The following CEP41 variants were observed in gnomAD, a reference collection of about 807,000 sequenced individuals.
CEP41 encodes the protein centrosomal protein 41, also known as centrosomal protein of 41 kDa.
A neutral mutation model predicts 44.3 loss-of-function variants in CEP41; 32 were observed. The ratio of observed to expected loss-of-function variants is 0.72; its 90% CI spans 0.54 to 0.97. The LOEUF is 0.97. CEP41 is among the 50% of genes least tolerant of loss of function. The pLI is 0.00. For missense variants in CEP41, 432 were observed against 455.2 expected (o/e 0.95, Z 0.46); for synonymous variants, 151 against 168.5 (o/e 0.90, Z 0.80).
At chr7:130,421,300 C>T (rs1797500971) in intron 2 of CEP41, 1 of 985,434 alleles carries the variant, frequency 1.0e-6, no homozygotes, top group Non-Finnish European at 1.2e-6. Flanking sequence ...AAGGCACGAA[C>T]TCAGTTGCTA....
chr7:130,398,836 C>T lies in CEP41; in HGVS notation c.*55G>A, dbSNP rs782471506. ...TGGAAATGACCCAACTTGGGAAATG[C>T]TCAGGGGTTCTGAAAAGAGGAAGAA... On this transcript the variant is annotated 3_prime_UTR_variant, in exon 11 of 11. Transcript: ENST00000223208. The T allele has an allele frequency of 1.9e-5, 30 of 1,603,346 alleles. No homozygotes were observed. The highest frequency in any genetic ancestry group is 2.6e-5 in the Non-Finnish European group (30 of 1,170,672).
intron 3 of CEP41, among the ~76,000 whole-genome samples, chr7:130,412,563 C>T (rs11973495): frequency 0.19 from 29,402 of 152,112 alleles, 2,849 homozygotes; most frequent in African/African-American, 0.21. Context: ...TTGTACTCCA[C>T]GCATTTTTGT....
chr7:130,430,962 A>T (rs1554424950), intron 1 of CEP41, among the ~76,000 whole-genome samples: 2 of 152,176 alleles, frequency 1.3e-5, no homozygotes, highest in African/African-American at 4.8e-5. Flanking sequence ...GAGGGGAGAG[A>T]GTGTGGACAG....
chr7:130,421,991 A>G lies in CEP41; in HGVS notation c.98-5025T>C, dbSNP rs80349158. On this transcript the variant is annotated intron_variant, in intron 2 of 10. Transcript: ENST00000223208. ...AGTCTGGCAGTGCTGGGGAGCTGGT[A>G]AGATACACACAGGCACCTATGGAAC... 205 of 1,536,072 alleles carry G rather than the reference A, an allele frequency of 1.3e-4. No individual in the cohort carries two copies. The African/African-American group carries it at 2.5e-3, about 19-fold the overall frequency.
chr7:130,440,836 C>T (rs1798132375), intron 1 of CEP41, 98 bp downstream of exon 1: 1 of 1,106,642 alleles, frequency 9.0e-7, no homozygotes. Context: ...TTCCCGCCTT[C>T]CGGGCGGCGG....
At chr7:130,402,343 C>CAAAAAAAAAAAAAA (rs150874127) in intron 7 of CEP41, among the ~76,000 whole-genome samples, 1 of 76,670 alleles carries the variant, frequency 1.3e-5, no homozygotes, top group Non-Finnish European at 2.5e-5. Flanking sequence ...AAGGTATTAA[C>CAAAAAAAAAAAAAA]AAAAAAAAAA....
intron 5 of CEP41, 104 bp downstream of exon 5, chr7:130,411,018 A>G: frequency 1.0e-6 from 1 of 961,740 alleles, no homozygotes; most frequent in South Asian, 1.3e-5. Context: ...AAATAGATAC[A>G]TCAAAGTCCC....
intron 5 of CEP41, among the ~76,000 whole-genome samples, chr7:130,410,029 C>CTTTTTTTTTTTTTT (rs782636525): frequency 7.1e-6 from 1 of 139,888 alleles, no homozygotes; most frequent in South Asian, 2.3e-4. Context: ...CCTCGGTCTT[C>CTTTTTTTTTTTTTT]TTTTTTTTTT....
intron 2 of CEP41, chr7:130,420,729 G>A (rs1381891148): frequency 2.0e-5 from 5 of 248,932 alleles, no homozygotes; most frequent in Non-Finnish European, 2.6e-5. Flanking sequence ...CCAAGATCAC[G>A]CCACTGCACT....
chr7:130,438,471 ATTGCTT>A (rs1554426750), intron 1 of CEP41, among the ~76,000 whole-genome samples: 2 of 152,126 alleles, frequency 1.3e-5, no homozygotes, highest in Admixed American at 1.3e-4. Flanking sequence ...AGGCTGGATA[ATTGCTT>A]GAGCCCGGGA....
At chr7:130,433,982 G>A (rs1797894502) in intron 1 of CEP41, among the ~76,000 whole-genome samples, 1 of 152,222 alleles carries the variant, frequency 6.6e-6, no homozygotes, top group Non-Finnish European at 1.5e-5. Context: ...TCCACTGGGG[G>A]TGATAAGAAA....
At position 130,394,635 on chromosome 7, in the gene CEP41, C is replaced by A; in HGVS notation, c.*4256G>T. On this transcript the variant is annotated 3_prime_UTR_variant, in exon 11 of 11. Transcript: ENST00000223208. ...GTTTTGAATGCCTCGCCCACAAAGG[C>A]AGGATACACAAGGGGGACAGAAGAT... 1 of 453,726 alleles carries A rather than the reference C, an allele frequency of 2.2e-6. No individual in the cohort carries two copies. The highest frequency in any genetic ancestry group is 1.6e-5 in the South Asian group (1 of 64,462). The allele number at this position is 453,726 out of a possible 1,614,324, so 28.1% of individuals were successfully genotyped here.
intron 1 of CEP41, among the ~76,000 whole-genome samples, chr7:130,428,670 T>C (rs1554424350): frequency 6.6e-6 from 1 of 151,054 alleles, no homozygotes; most frequent in Non-Finnish European, 1.5e-5. Context: ...TCCCAGCACT[T>C]TGGGAGGCCG....
At position 130,395,844 on chromosome 7, in the gene CEP41, A is replaced by G. The variant is rs1258140082; in HGVS notation, c.*3047T>C. 8 of 453,512 alleles carry G rather than the reference A, an allele frequency of 1.8e-5. No individual in the cohort carries two copies. The highest frequency in any genetic ancestry group is 6.9e-5 in the East Asian group (1 of 14,416). The allele number at this position is 453,512 out of a possible 1,614,324, so 28.1% of individuals were successfully genotyped here. ...TTCATTCGGATTTATACCAAGCCCA[A>G]TATGATCGTGCTGGTCCTGGCTAAC... On this transcript the variant is annotated 3_prime_UTR_variant, in exon 11 of 11. Transcript: ENST00000223208.
chr7:130,396,424 T>A lies in CEP41; in HGVS notation c.*2467A>T, dbSNP rs1554414554. 1 of 454,514 alleles carries A rather than the reference T, an allele frequency of 2.2e-6. No individual in the cohort carries two copies. Among genetic ancestry groups the A allele is most frequent in the Admixed American group, 2.3e-5 (1 of 42,574 alleles). 28.2% of individuals were successfully genotyped at this position (454,514 alleles called of 1,614,324 possible). A position where few individuals can be genotyped will look rare whatever the true frequency, so the allele number is the denominator to read the frequency against. On this transcript the variant is annotated 3_prime_UTR_variant, in exon 11 of 11. Transcript: ENST00000223208. Reference sequence around the variant, plus strand: ...TTATTTTTTTTAAAAAATGCTTTCCTAGGAGATGCAGCAAAAATCACACCA... The same window carrying A: ...TTATTTTTTTTAAAAAATGCTTTCCAAGGAGATGCAGCAAAAATCACACCA...
chr7:130,432,588 CAAA>C (rs56874452), intron 1 of CEP41, among the ~76,000 whole-genome samples: 69 of 59,936 alleles, frequency 1.2e-3, no homozygotes, highest in South Asian at 5.4e-3. Flanking sequence ...TTTGTTTCCA[CAAA>C]AAAAAAAAAA....
chr7:130,417,334 G>A, intron 2 of CEP41: 4 of 1,092,112 alleles, frequency 3.7e-6, no homozygotes, highest in South Asian at 2.7e-5. Context: ...AAGATACACA[G>A]AAGAGGAGCA....
rs969539362 is a variant in CEP41 at position 130,423,965 on chromosome 7, C to T, written c.97+3990G>A. ...TGGTTACTCAACATAGTAAATATGT[C>T]AATTCTCCCCATGTTGACAAACAGG... is the stretch of plus-strand genomic sequence containing the variant. On this transcript the variant is annotated intron_variant, in intron 2 of 10. Transcript: ENST00000223208. 2.9e-4 allele frequency among the ~76,000 whole-genome samples: 44 copies of T among 152,178 alleles called. 1 individual carries two copies. Among genetic ancestry groups the T allele is most frequent in the Admixed American group, 2.9e-3 (44 of 15,284 alleles).
rs558632317 is a variant in CEP41 at position 130,419,627 on chromosome 7, A to G, written c.98-2661T>C. On this transcript the variant is annotated intron_variant, in intron 2 of 10. Transcript: ENST00000223208. ...ATTACTGCCAGATACATTTTCCCAGATAAGACTTTTTGATCAAAAAGAAAA... is the reference window on the plus strand; with the variant it reads ...ATTACTGCCAGATACATTTTCCCAGGTAAGACTTTTTGATCAAAAAGAAAA... 32 of 984,864 alleles carry G rather than the reference A, an allele frequency of 3.2e-5. No homozygotes were observed. In the Admixed American group the frequency reaches 6.1e-4, roughly 19 times the overall value. The allele number at this position is 984,864 out of a possible 1,614,324, so 61.0% of individuals were successfully genotyped here.
Sources: allele counts gnomAD v4.1 joint callset (sites outside exome capture counted in the v4.1 genomes callset), GRCh38; gene constraint gnomAD v4.1.1; transcripts MANE v1.5; gene names NCBI Gene and HGNC (gene_info 2026-07-23, HGNC 2026-07-21).